Variants in MYCBP2 observed in about 807,000 individuals in gnomAD.
MYCBP2 encodes the protein E3 ubiquitin-protein ligase MYCBP2.
MYCBP2 carries 120 observed loss-of-function variants against 525.3 expected under a neutral mutation model. The observed-to-expected ratio is 0.23, with a 90% confidence interval of 0.20 to 0.27. The LOEUF (loss-of-function observed/expected upper bound fraction) is 0.27. MYCBP2 is among the 10% of genes least tolerant of loss of function. The pLI is 1.00. For synonymous variants in MYCBP2, 1,894 were observed against 1,955.8 expected, an observed-to-expected ratio of 0.97 and a Z score of 0.83; for missense variants, 4,149 against 5,657.1, an observed-to-expected ratio of 0.73 and a Z score of 8.55.
Position 77,326,605 on chromosome 13 carries a change from G to A in MYCBP2, c.171C>T (p.Ala57=), listed in dbSNP as rs2082347395. The stretch of plus-strand genomic sequence containing the variant: ...GCTGGTAGTGACCCCGGGAGTCCGC[G>A]GCGGGTAGCCCCAGCCCCAGCCCCG... The part of the protein sequence containing the change: ...AAAGLGLGLP[A]ADSRGHYQLL... Residue 57 remains alanine (A), a synonymous_variant, in exon 1 of 83, where the codon GCC becomes GCT. Transcript: ENST00000544440. The surrounding 1 kb of genome is among the most constrained non-coding windows in gnomAD (Gnocchi z 4.2). 5 of 1,582,576 alleles carry A rather than the reference G, an allele frequency of 3.2e-6. No homozygotes were observed. The highest frequency in any genetic ancestry group is 4.3e-6 in the Non-Finnish European group (5 of 1,166,688).
chr13:77,221,435 G>A (rs2065549549), intron 20 of MYCBP2, among the ~76,000 whole-genome samples: 1 of 152,172 alleles, frequency 6.6e-6, no homozygotes, highest in Non-Finnish European at 1.5e-5. Context: ...TCAGTGTGGT[G>A]TGGAAGGATG....
chr13:77,179,860 G>A (rs931916932), intron 34 of MYCBP2, among the ~76,000 whole-genome samples: 2 of 152,138 alleles, frequency 1.3e-5, no homozygotes, highest in Admixed American at 6.5e-5. Context: ...ATGGTGGTGG[G>A]CTTGTGCAAT....
chr13:77,188,910 G>A (rs1406359861), intron 30 of MYCBP2, 41 bp downstream of exon 30: 4 of 1,340,572 alleles, frequency 3.0e-6, no homozygotes, highest in Non-Finnish European at 3.1e-6. Flanking sequence ...TGTATCTGAG[G>A]ACTGAAGAGA....
Position 77,158,031 on chromosome 13 carries a change from C to T in MYCBP2, c.6676G>A (p.Gly2226Arg). 1.9e-6 allele frequency: 3 copies of T among 1,613,466 alleles called. No individual in the cohort carries two copies. The highest frequency in any genetic ancestry group is 2.5e-6 in the Non-Finnish European group (3 of 1,179,620). Reference protein sequence around the residue: ...HSPTILEALEGNLPLQIQSNE... With the variant: ...HSPTILEALERNLPLQIQSNE... ...CTTTGGATTTGGAGTGGTAAATTTC[C>T]CTCAAGTGCTTCTAATATAGTTGGT... Residue 2226 changes from glycine to arginine, a missense_variant, in exon 45 of 83, where the codon GGA becomes AGA. By Grantham distance (125) the Gly-to-Arg change is moderately radical. Around this residue, in one of 21 missense-constraint regions of MYCBP2, gnomAD observed 692 missense variants for 852.7 expected, o/e 0.81. Transcript: ENST00000544440.
Position 77,121,242 on chromosome 13 carries a change from A to G in MYCBP2, c.8140+131T>C, listed in dbSNP as rs1316533882. ...AAGAACACCTTTGTAAACATTTTTT[A>G]TTAGCTTTCCATGAACAAATTTTAA... is the stretch of plus-strand genomic sequence containing the variant. On this transcript the variant is annotated intron_variant, in intron 55 of 82. Transcript: ENST00000544440. 7 of 874,708 alleles carry G rather than the reference A, an allele frequency of 8.0e-6. No individual in the cohort carries two copies. The East Asian group carries it at 2.3e-4, about 28-fold the overall frequency. The allele number at this position is 874,708 out of a possible 1,614,324, so 54.2% of individuals were successfully genotyped here.
chr13:77,155,738 A>G (rs2057134840), intron 46 of MYCBP2, among the ~76,000 whole-genome samples: 1 of 152,170 alleles, frequency 6.6e-6, no homozygotes, highest in South Asian at 2.1e-4. Flanking sequence ...GTATTCTTTC[A>G]TGCATTTATT....
At position 77,326,657 on chromosome 13, in the gene MYCBP2, G is replaced by A. The variant is rs751049713; in HGVS notation, c.119C>T (p.Pro40Leu). 1.3e-6 allele frequency: 2 copies of A among 1,508,278 alleles called. No individual in the cohort carries two copies. The highest frequency in any genetic ancestry group is 1.8e-4 in the Middle Eastern group (1 of 5,412). 93.4% of individuals were successfully genotyped at this position (1,508,278 alleles called of 1,614,324 possible). ...SSPAPGALFM[P>L]VPDGSVAAAG... ...AGCAGCCACGGAGCCGTCGGGAACC[G>A]GCATGAACAGCGCCCCCGGCGCCGG... Residue 40 changes from proline (P) to leucine (L), a missense_variant, in exon 1 of 83, where the codon CCG becomes CTG. Physicochemically the swap from Pro to Leu is moderately conservative, Grantham distance 98. Around this residue, in one of 21 missense-constraint regions of MYCBP2, gnomAD observed 413 missense variants for 451.2 expected, o/e 0.92. Coordinates refer to ENST00000544440, the MANE Select transcript of MYCBP2 (RefSeq NM_015057.5). The surrounding 1 kb of genome is among the most constrained non-coding windows in gnomAD (Gnocchi z 4.2).
intron 5 of MYCBP2, among the ~76,000 whole-genome samples, chr13:77,272,832 C>T (rs2075068117): frequency 6.6e-6 from 1 of 152,164 alleles, no homozygotes; most frequent in African/African-American, 2.4e-5. Context: ...CCTAGGGTTG[C>T]CCAAGGGGCC....
chr13:77,091,829 C>T (rs1305898942), intron 59 of MYCBP2, among the ~76,000 whole-genome samples: 1 of 152,048 alleles, frequency 6.6e-6, no homozygotes, highest in South Asian at 2.1e-4. Flanking sequence ...TGAAGCCATC[C>T]TCTTGCCTCA....
intron 59 of MYCBP2, 42 bp downstream of exon 59, chr13:77,093,123 C>G: frequency 6.5e-7 from 1 of 1,542,064 alleles, no homozygotes. Context: ...CTTTCTTCCA[C>G]CAAACACTAG....
chr13:77,220,119 A>T (rs909468914), intron 20 of MYCBP2, among the ~76,000 whole-genome samples: 1 of 152,162 alleles, frequency 6.6e-6, no homozygotes, highest in African/African-American at 2.4e-5. Context: ...AGATTGATTC[A>T]TGTTTGCGGT....
At chr13:77,252,115 T>A (rs1189935324) in intron 14 of MYCBP2, among the ~76,000 whole-genome samples, 1 of 152,190 alleles carries the variant, frequency 6.6e-6, no homozygotes, top group East Asian at 1.9e-4. Context: ...AACAACTTTT[T>A]AAAATGGTGT....
chr13:77,074,787 A>G (rs961295930), intron 68 of MYCBP2, among the ~76,000 whole-genome samples: 1 of 152,246 alleles, frequency 6.6e-6, no homozygotes, highest in Non-Finnish European at 1.5e-5. Flanking sequence ...TTCCATTTAT[A>G]TGACATCCAG....
At chr13:77,091,693 C>A (rs1287625425) in intron 59 of MYCBP2, among the ~76,000 whole-genome samples, 2 of 152,068 alleles carry the variant, frequency 1.3e-5, no homozygotes, top group African/African-American at 4.8e-5. Flanking sequence ...CAATTGAGAA[C>A]CACTGATTTA....
Position 77,326,565 on chromosome 13 carries a change from G to C in MYCBP2, c.211C>G (p.Arg71Gly). 1 of 1,598,876 alleles carries C rather than the reference G, an allele frequency of 6.3e-7. No individual in the cohort carries two copies. Among genetic ancestry groups the C allele is most frequent in the Non-Finnish European group, 8.5e-7 (1 of 1,173,510 alleles). Residue 71 changes from arginine (R) to glycine (G), a missense_variant, in exon 1 of 83, where the codon CGG (arginine) becomes GGG (glycine). Around this residue, in one of 21 missense-constraint regions of MYCBP2, gnomAD observed 413 missense variants for 451.2 expected, o/e 0.92. Transcript: ENST00000544440. This position sits in a 1 kb window ranked among gnomAD's most constrained non-coding sequence, Gnocchi z 4.2. ...CTCCGGTAGCGGTCGGCCAGGGCCC[G>C]GCCTGACAGCAGCAGCTGGTAGTGA... ...RGHYQLLLSGRALADRYRRIY... is the reference protein window; with the variant it reads ...RGHYQLLLSGGALADRYRRIY...
chr13:77,127,552 A>G (rs2051903116), intron 52 of MYCBP2, among the ~76,000 whole-genome samples: 1 of 151,948 alleles, frequency 6.6e-6, no homozygotes, highest in African/African-American at 2.4e-5. Context: ...ATATTCAGAT[A>G]GAGTAATAGA....
chr13:77,139,274 A>G lies in MYCBP2; in HGVS notation c.7581T>C (p.Pro2527=). Residue 2527 remains proline (P), a synonymous_variant, in exon 52 of 83, where the codon CCT becomes CCC. Transcript: ENST00000544440. The stretch of plus-strand genomic sequence containing the variant: ...AGGCTTCAGTGTAACCATTCATGTT[A>G]GGGACATACTTCTTTATTGTCTCAT... ...LNDETIKKYV[P]NMNGYTEAWC... 1.2e-6 allele frequency: 2 copies of G among 1,613,970 alleles called. No individual in the cohort carries two copies. The highest frequency in any genetic ancestry group is 1.7e-6 in the Non-Finnish European group (2 of 1,179,868).
intron 20 of MYCBP2, among the ~76,000 whole-genome samples, chr13:77,222,256 T>C (rs1326349513): frequency 1.3e-5 from 2 of 152,220 alleles, no homozygotes; most frequent in Non-Finnish European, 2.9e-5. Flanking sequence ...TATTATGTCA[T>C]ATCCAGCAGA....
At chr13:77,139,908 TTC>T (rs2154182328) in intron 51 of MYCBP2, 137 bp downstream of exon 51, 1 of 542,106 alleles carries the variant, frequency 1.8e-6, no homozygotes, top group African/African-American at 1.9e-5. Flanking sequence ...AATGAACACA[TTC>T]TATAAAATAG....
Sources: gnomAD v4.1 joint callset for allele counts (sites outside exome capture counted in the v4.1 genomes callset) on GRCh38, gnomAD v4.1.1 for gene constraint, gnomAD v4.1.1 regional missense constraint, Gnocchi (gnomAD v3.1) non-coding constraint, MANE v1.5 for transcripts, NCBI Gene and HGNC (gene_info 2026-07-23, HGNC 2026-07-21) for gene names.